ROBO1: variants seen among roughly 807,000 people sequenced by gnomAD.
The protein encoded by ROBO1 is roundabout guidance receptor 1.
ROBO1 carries 149 observed loss-of-function variants against 195.9 expected under a neutral mutation model. The ratio of observed to expected loss-of-function variants is 0.76; its 90% CI spans 0.67 to 0.87. The LOEUF (loss-of-function observed/expected upper bound fraction) is 0.87, where lower values mean the gene tolerates loss of function less well. Among genes scored for constraint, ROBO1 ranks in the 40% least tolerant of loss-of-function variants. ROBO1 has a pLI of 0.00. For synonymous variants in ROBO1, 816 were observed against 733.2 expected, an observed-to-expected ratio of 1.11 and a Z score of -1.82; for missense variants, 1,933 against 2,068.3, an observed-to-expected ratio of 0.93 and a Z score of 1.27.
chr3:78,835,902 T>G (rs2032668577), intron 4 of ROBO1, among the ~76,000 whole-genome samples: 1 of 152,300 alleles, frequency 6.6e-6, no homozygotes, highest in Non-Finnish European at 1.5e-5. Flanking sequence ...CCTTAAGCAC[T>G]TAAATGAAAA....
chr3:79,441,464 ATAAC>A (rs1356077886), intron 2 of ROBO1, among the ~76,000 whole-genome samples: 2 of 152,152 alleles, frequency 1.3e-5, no homozygotes, highest in Non-Finnish European at 2.9e-5. Context: ...TTTTAAGTAA[ATAAC>A]TAAGTATTGT....
intron 3 of ROBO1, among the ~76,000 whole-genome samples, chr3:78,951,474 A>G (rs1372901721): frequency 6.6e-6 from 1 of 152,114 alleles, no homozygotes; most frequent in African/African-American, 2.4e-5. Flanking sequence ...TTTCAACCAC[A>G]TTCTGCATAG....
At chr3:79,641,896 G>A (rs1945674492) in intron 1 of ROBO1, among the ~76,000 whole-genome samples, 1 of 152,066 alleles carries the variant, frequency 6.6e-6, no homozygotes, top group African/African-American at 2.4e-5. Context: ...CCTGGTACCT[G>A]TAGTCCCAGC....
chr3:78,952,436 C>A (rs941596196), intron 3 of ROBO1, among the ~76,000 whole-genome samples: 2 of 151,476 alleles, frequency 1.3e-5, no homozygotes, highest in African/African-American at 4.8e-5. Flanking sequence ...CTGCTTAACA[C>A]TTTTATTTAA....
At chr3:79,240,767 C>T (rs897387385) in intron 2 of ROBO1, among the ~76,000 whole-genome samples, 4 of 152,074 alleles carry the variant, frequency 2.6e-5, no homozygotes, top group Non-Finnish European at 5.9e-5. Context: ...CAACCTCAGC[C>T]TCAGCCTGGG....
At chr3:79,018,194 T>TC (rs2078001378) in intron 3 of ROBO1, among the ~76,000 whole-genome samples, 1 of 152,096 alleles carries the variant, frequency 6.6e-6, no homozygotes, top group Non-Finnish European at 1.5e-5. Context: ...TTGAGGAGGT[T>TC]CAGGGGTGGA....
chr3:79,479,830 C>T (rs1024937149), intron 2 of ROBO1, among the ~76,000 whole-genome samples: 1 of 152,048 alleles, frequency 6.6e-6, no homozygotes, highest in African/African-American at 2.4e-5. Flanking sequence ...ATTTTAGAAC[C>T]TGAGCATAAG....
At chr3:78,642,230 C>T (rs959403094) in intron 21 of ROBO1, among the ~76,000 whole-genome samples, 1 of 152,044 alleles carries the variant, frequency 6.6e-6, no homozygotes, top group East Asian at 1.9e-4. Flanking sequence ...AAAAAGAGGG[C>T]AAATGCACTT....
intron 2 of ROBO1, among the ~76,000 whole-genome samples, chr3:79,218,671 T>C (rs1242968989): frequency 6.6e-6 from 1 of 152,004 alleles, no homozygotes; most frequent in Non-Finnish European, 1.5e-5. Context: ...TTCTAAATAA[T>C]AATGAATCTT....
rs562813947 is a variant in ROBO1 at position 79,533,195 on chromosome 3, G to T, written c.88+56629C>A. On this transcript the variant is annotated intron_variant, in intron 2 of 30. Coordinates refer to ENST00000464233, the MANE Select transcript of ROBO1 (RefSeq NM_002941.4). The stretch of plus-strand genomic sequence containing the variant: ...AATACAGTATAAACTCTATGATTTA[G>T]ATCTTTGAGGACTACACTAATGGTT... 4.9e-5 allele frequency: 12 copies of T among 247,098 alleles called. No individual in the cohort carries two copies. The Admixed American group carries it at 5.5e-4, about 11-fold the overall frequency. The allele number at this position is 247,098 out of a possible 1,614,324, so 15.3% of individuals were successfully genotyped here. A position where few individuals can be genotyped will look rare whatever the true frequency, so the allele number is the denominator to read the frequency against.
chr3:78,635,758 T>C lies in ROBO1; in HGVS notation c.3373+15A>G, dbSNP rs116750133. The C allele has an allele frequency of 1.9e-3, 3,029 of 1,609,574 alleles. 40 individuals are homozygous for C. The African/African-American group carries it at 0.033, about 18-fold the overall frequency. On this transcript the variant is annotated intron_variant, in intron 23 of 30. Transcript: ENST00000464233. Reference sequence around the variant, plus strand: ...TCATACAGAAACAGATGGGAATACATGCAAGCCTCTTCACCTTTGTTCAGC... The same window carrying C: ...TCATACAGAAACAGATGGGAATACACGCAAGCCTCTTCACCTTTGTTCAGC...
intron 3 of ROBO1, among the ~76,000 whole-genome samples, chr3:79,047,172 T>A (rs1407430893): frequency 6.6e-6 from 1 of 152,048 alleles, no homozygotes; most frequent in East Asian, 1.9e-4. Context: ...TTGAAAACTT[T>A]AGGAAGGGAA....
At chr3:79,087,488 T>A (rs201437005) in intron 3 of ROBO1, among the ~76,000 whole-genome samples, 15 of 152,164 alleles carry the variant, frequency 9.9e-5, no homozygotes, top group East Asian at 9.7e-4. Flanking sequence ...TCAGTATCCT[T>A]CTTTTCCAGC....
intron 5 of ROBO1, among the ~76,000 whole-genome samples, chr3:78,724,513 TAAAAAA>T (rs138643700): frequency 4.5e-5 from 4 of 89,646 alleles, no homozygotes; most frequent in Admixed American, 3.5e-4. Context: ...CCATCTCTAC[TAAAAAA>T]AAAAAAAAAA....
chr3:79,155,883 C>T (rs986248855), intron 2 of ROBO1, among the ~76,000 whole-genome samples: 2 of 151,764 alleles, frequency 1.3e-5, no homozygotes, highest in South Asian at 4.1e-4. Context: ...TCAACACTGA[C>T]TCCAACATTC....
chr3:78,606,668 G>T, intron 29 of ROBO1, 65 bp downstream of exon 29: 1 of 1,511,396 alleles, frequency 6.6e-7, no homozygotes, highest in Non-Finnish European at 9.1e-7. Context: ...GCCATATAGA[G>T]CCTAACTGTA....
At chr3:79,066,105 T>C (rs2078998321) in intron 3 of ROBO1, among the ~76,000 whole-genome samples, 1 of 151,868 alleles carries the variant, frequency 6.6e-6, no homozygotes, top group Non-Finnish European at 1.5e-5. Flanking sequence ...CACAGGAACA[T>C]ACTGAGCTAC....
At chr3:78,620,047 C>T (rs1366787908) in intron 26 of ROBO1, among the ~76,000 whole-genome samples, 2 of 150,054 alleles carry the variant, frequency 1.3e-5, no homozygotes, top group African/African-American at 4.9e-5. Context: ...AATTACATGA[C>T]ATTAAATTCA....
chr3:79,120,170 T>G (rs2080089431), intron 3 of ROBO1, among the ~76,000 whole-genome samples: 1 of 152,128 alleles, frequency 6.6e-6, no homozygotes, highest in African/African-American at 2.4e-5. Context: ...ACATAAAGGT[T>G]GTTTCCCAGG....
Sources: allele counts gnomAD v4.1 joint callset (sites outside exome capture counted in the v4.1 genomes callset), GRCh38; gene constraint gnomAD v4.1.1; transcripts MANE v1.5; gene names NCBI Gene and HGNC (gene_info 2026-07-23, HGNC 2026-07-21).